PGCKA1: variants seen among roughly 807,000 people sequenced by gnomAD.
The protein encoded by PGCKA1 is PDCD10 and GCKIII kinases associated 1.
the PGCKA1 span, among the ~76,000 whole-genome samples, chr4:37,511,634 CTT>C: frequency 6.6e-6 from 1 of 152,108 alleles, no homozygotes; most frequent in Non-Finnish European, 1.5e-5. Context: ...TCAAGGGTCT[CTT>C]TTGAAGATGC....
chr4:37,493,334 T>A, the PGCKA1 span, among the ~76,000 whole-genome samples: 3 of 152,334 alleles, frequency 2.0e-5, no homozygotes, highest in Admixed American at 6.5e-5. Context: ...TAATATTTTT[T>A]AAAATTATCA....
chr4:37,496,228 C>G, the PGCKA1 span, among the ~76,000 whole-genome samples: 1 of 152,134 alleles, frequency 6.6e-6, no homozygotes, highest in Non-Finnish European at 1.5e-5. Context: ...CCTAGGTTGT[C>G]TTTAGGGTTT....
At chr4:37,461,737 G>T in the PGCKA1 span, among the ~76,000 whole-genome samples, 1 of 152,034 alleles carries the variant, frequency 6.6e-6, no homozygotes, top group Non-Finnish European at 1.5e-5. Flanking sequence ...GGTTAATCGG[G>T]CAGTACTGAG....
At chr4:37,472,999 T>C in the PGCKA1 span, among the ~76,000 whole-genome samples, 1 of 152,202 alleles carries the variant, frequency 6.6e-6, no homozygotes, top group Non-Finnish European at 1.5e-5. Context: ...GAATCAAAGA[T>C]GACTTGAGAA....
chr4:37,567,071 T>A, the PGCKA1 span, among the ~76,000 whole-genome samples: 145 of 149,402 alleles, frequency 9.7e-4, 2 homozygotes, highest in African/African-American at 2.2e-3. Context: ...CAAAAAAAAA[T>A]AAAATAAAAT....
chr4:37,585,819 C>G, the PGCKA1 span, among the ~76,000 whole-genome samples: 3 of 151,924 alleles, frequency 2.0e-5, no homozygotes, highest in Non-Finnish European at 4.4e-5. Flanking sequence ...CACATGTGTA[C>G]ACAGTTCCAT....
At chr4:37,494,563 A>G in the PGCKA1 span, among the ~76,000 whole-genome samples, 4 of 152,116 alleles carry the variant, frequency 2.6e-5, no homozygotes, top group Non-Finnish European at 4.4e-5. Context: ...CTTTGCTATT[A>G]TGAACAGTGC....
chr4:37,503,838 T>C, the PGCKA1 span, among the ~76,000 whole-genome samples: 1 of 152,244 alleles, frequency 6.6e-6, no homozygotes, highest in African/African-American at 2.4e-5. Flanking sequence ...CAGCTTCTTA[T>C]AGTTTCTGGT....
At chr4:37,554,218 G>A in the PGCKA1 span, among the ~76,000 whole-genome samples, 1 of 152,240 alleles carries the variant, frequency 6.6e-6, no homozygotes, top group South Asian at 2.1e-4. Flanking sequence ...ATGATTGTGA[G>A]GCCTCCCCAG....
At chr4:37,512,053 T>C in the PGCKA1 span, among the ~76,000 whole-genome samples, 1 of 152,202 alleles carries the variant, frequency 6.6e-6, no homozygotes, top group Non-Finnish European at 1.5e-5. Context: ...CACTGTGCTC[T>C]CCCTCTTTCA....
chr4:37,548,249 G>T, the PGCKA1 span, among the ~76,000 whole-genome samples: 1 of 152,076 alleles, frequency 6.6e-6, no homozygotes, highest in African/African-American at 2.4e-5. Flanking sequence ...TACTACTGAA[G>T]AAACAGTTTA....
At chr4:37,512,840 G>A in the PGCKA1 span, among the ~76,000 whole-genome samples, 1 of 152,078 alleles carries the variant, frequency 6.6e-6, no homozygotes, top group Non-Finnish European at 1.5e-5. Flanking sequence ...TCTAATCCCA[G>A]CACCTTGGGA....
chr4:37,536,687 T>C, the PGCKA1 span, among the ~76,000 whole-genome samples: 2,114 of 152,286 alleles, frequency 0.014, 40 homozygotes, highest in African/African-American at 0.048. Context: ...ATTTTGGACT[T>C]TGCCAGTTAT....
chr4:37,470,310 A>G, the PGCKA1 span, among the ~76,000 whole-genome samples: 781 of 152,336 alleles, frequency 5.1e-3, 11 homozygotes, highest in African/African-American at 0.018. Flanking sequence ...GGAACTGATT[A>G]AGAAATGTGT....
chr4:37,559,465 G>A, the PGCKA1 span, among the ~76,000 whole-genome samples: 3 of 139,776 alleles, frequency 2.1e-5, no homozygotes, highest in South Asian at 5.4e-4. Flanking sequence ...GAGGGGGAAG[G>A]GATAGCATTA....
chr4:37,591,963 C>G, the PGCKA1 span: 2 of 152,090 alleles, frequency 1.3e-5, no homozygotes, highest in African/African-American at 4.8e-5. Context: ...AATCCCAGCA[C>G]TTTGGGAGGC....
the PGCKA1 span, among the ~76,000 whole-genome samples, chr4:37,521,942 C>T: frequency 6.6e-6 from 1 of 152,008 alleles, no homozygotes; most frequent in African/African-American, 2.4e-5. Flanking sequence ...ATGTAGTGAC[C>T]TTCTTTGTCT....
At chr4:37,543,571 G>C in the PGCKA1 span, among the ~76,000 whole-genome samples, 35,221 of 151,928 alleles carry the variant, frequency 0.23, 4,648 homozygotes, top group East Asian at 0.4. Flanking sequence ...GCTGGGCGCG[G>C]TGGCTCACAC....
At chr4:37,572,063 C>CTTTTT in the PGCKA1 span, among the ~76,000 whole-genome samples, 29 of 89,990 alleles carry the variant, frequency 3.2e-4, 2 homozygotes, top group South Asian at 1.2e-3. Flanking sequence ...TTTTTTTTTT[C>CTTTTT]TTTTTTTTTT....
Sources: allele counts gnomAD v4.1 joint callset (sites outside exome capture counted in the v4.1 genomes callset), GRCh38; gene constraint gnomAD v4.1.1; transcripts MANE v1.5; gene names NCBI Gene and HGNC (gene_info 2026-07-23, HGNC 2026-07-21).